Variants in PTDSS2 observed in about 807,000 individuals in gnomAD.
The protein encoded by PTDSS2 is phosphatidylserine synthase 2.
A neutral mutation model predicts 64.7 loss-of-function variants in PTDSS2; 41 were observed. The ratio of observed to expected loss-of-function variants is 0.63; its 90% CI spans 0.49 to 0.82. The LOEUF is 0.82. Among genes scored for constraint, PTDSS2 ranks in the 40% least tolerant of loss-of-function variants. PTDSS2 has a pLI of 0.00. For synonymous variants in PTDSS2, 297 were observed against 277.8 expected (o/e 1.07, Z -0.69); for missense variants, 485 against 650.0 (o/e 0.75, Z 2.76).
chr11:487,296 CTG>C, intron 5 of PTDSS2, 122 bp from the exon 6 acceptor site: 1 of 1,049,104 alleles, frequency 9.5e-7, no homozygotes, highest in East Asian at 2.4e-5. Context: ...ACGGCAGCAC[CTG>C]TGAGTCCCTG....
intron 4 of PTDSS2, among the ~76,000 whole-genome samples, chr11:484,701 G>C (rs567503824): frequency 1.3e-5 from 2 of 151,440 alleles, no homozygotes; most frequent in Non-Finnish European, 2.9e-5. Context: ...CTGTGTGTGT[G>C]CAGGCGAGCG....
chr11:483,413 G>T (rs1166502261), intron 4 of PTDSS2, among the ~76,000 whole-genome samples: 1 of 151,870 alleles, frequency 6.6e-6, no homozygotes, highest in African/African-American at 2.4e-5. Flanking sequence ...TGAGTTTTTC[G>T]TAGATCTCCC....
chr11:488,424 G>C, intron 7 of PTDSS2, 105 bp from the exon 8 acceptor site: 1 of 1,331,584 alleles, frequency 7.5e-7, no homozygotes, highest in East Asian at 2.3e-5. Context: ...GGGGCAGTGG[G>C]TGCAGGCTGA....
intron 4 of PTDSS2, among the ~76,000 whole-genome samples, chr11:484,144 G>A (rs774209170): frequency 1.3e-5 from 2 of 152,194 alleles, no homozygotes; most frequent in Non-Finnish European, 2.9e-5. Context: ...TCTTACACTT[G>A]CATATTTATT....
rs1846819387 is a variant in PTDSS2 at position 460,341 on chromosome 11, G to A, written c.284+53G>A. The A allele has an allele frequency of 3.4e-6, 5 of 1,485,150 alleles. No homozygotes were observed. The South Asian group carries it at 3.4e-5, about 10-fold the overall frequency. 92.0% of individuals were successfully genotyped at this position (1,485,150 alleles called of 1,614,324 possible). A position where few individuals can be genotyped will look rare whatever the true frequency, so the allele number is the denominator to read the frequency against. ...GAAACTGCCCTGTGCCCCGTGTGGTGGGTGTGGCACCCTTACTGCTCGGGC... is the reference window on the plus strand; with the variant it reads ...GAAACTGCCCTGTGCCCCGTGTGGTAGGTGTGGCACCCTTACTGCTCGGGC... On this transcript the variant is annotated intron_variant, in intron 2 of 11. Coordinates refer to ENST00000308020, the MANE Select transcript of PTDSS2 (RefSeq NM_030783.3). This position sits in a 1 kb window ranked among gnomAD's most constrained non-coding sequence, Gnocchi z 5.8.
intron 1 of PTDSS2, among the ~76,000 whole-genome samples, chr11:454,859 G>A (rs1486489184): frequency 6.6e-6 from 1 of 152,204 alleles, no homozygotes; most frequent in Non-Finnish European, 1.5e-5. Context: ...TGTGTGCTGT[G>A]GAACTTGGTG....
In PTDSS2 at chr11:489,839, ACCCTGCGGGGCCCGGGACGCTGAACC is replaced by A. The variant is rs1423312101; in HGVS notation, c.1116-37_1116-12del. On this transcript the variant is annotated intron_variant, in intron 10 of 11. Coordinates refer to ENST00000308020, the MANE Select transcript of PTDSS2 (RefSeq NM_030783.3). ...GAGCCTGGGCAAGTCCGCCTGGAGG[ACCCTGCGGGGCCCGGGACGCTGAACC>A]CCCTGCTGCCCCTGCAGGAAGCCCC... is the stretch of plus-strand genomic sequence containing the variant. 1 of 1,542,932 alleles carries A rather than the reference ACCCTGCGGGGCCCGGGACGCTGAACC, an allele frequency of 6.5e-7. No homozygotes were observed. The highest frequency in any genetic ancestry group is 2.4e-5 in the East Asian group (1 of 41,534).
At chr11:449,035 G>A (rs928271286), upstream of PTDSS2, among the ~76,000 whole-genome samples, 4 of 150,214 alleles carry the variant, frequency 2.7e-5, no homozygotes, top group Non-Finnish European at 5.9e-5. Flanking sequence ...CACATAATGC[G>A]TAGTCTCCTG....
Position 486,985 on chromosome 11 carries a change from T to C in PTDSS2, c.482T>C (p.Leu161Pro). The C allele has an allele frequency of 6.2e-7, 1 of 1,613,408 alleles. No homozygotes were observed. Among genetic ancestry groups the C allele is most frequent in the Non-Finnish European group, 8.5e-7 (1 of 1,179,930 alleles). Residue 161 changes from leucine (L) to proline (P), a missense_variant, in exon 5 of 12, where the codon CTG becomes CCG. By Grantham distance (98) the Leu-to-Pro change is moderately conservative (BLOSUM62 -3). Coordinates refer to ENST00000308020, the MANE Select transcript of PTDSS2 (RefSeq NM_030783.3). ...TTTCTAAAGTATGTTGACCCCAAGC[T>C]GGGAGTCCCACTGCCAGAGAGAGAC... The part of the protein sequence containing the change: ...RQFLKYVDPK[L>P]GVPLPERDYG...
chr11:466,418 T>C (rs1847144178), intron 2 of PTDSS2, among the ~76,000 whole-genome samples: 1 of 149,850 alleles, frequency 6.7e-6, no homozygotes, highest in Non-Finnish European at 1.5e-5. Context: ...TTTTTTTTTT[T>C]TTTTTGAGAC....
At chr11:484,158 G>T (rs7109207) in intron 4 of PTDSS2, among the ~76,000 whole-genome samples, 1,823 of 152,310 alleles carry the variant, frequency 0.012, 47 homozygotes, top group African/African-American at 0.042. Context: ...ATTTATTTCA[G>T]CGCTGCTCTA....
chr11:484,323 T>C (rs553295241), intron 4 of PTDSS2, among the ~76,000 whole-genome samples: 6 of 152,352 alleles, frequency 3.9e-5, no homozygotes, highest in African/African-American at 1.2e-4. Flanking sequence ...GCTCCTCCTG[T>C]CCACTCCCCA....
At chr11:482,456 C>G (rs944461074) in intron 4 of PTDSS2, among the ~76,000 whole-genome samples, 2 of 152,034 alleles carry the variant, frequency 1.3e-5, no homozygotes, top group African/African-American at 4.8e-5. Flanking sequence ...CTCCTGGTCT[C>G]AAGTGAGCCA....
At chr11:449,422 C>G (rs185731882), upstream of PTDSS2, among the ~76,000 whole-genome samples, 1 of 152,250 alleles carries the variant, frequency 6.6e-6, no homozygotes, top group Non-Finnish European at 1.5e-5. Context: ...GCATGCTTCG[C>G]TCCTCTATGG....
At position 489,595 on chromosome 11, in the gene PTDSS2, T is replaced by C; in HGVS notation, c.977T>C (p.Leu326Ser). The C allele has an allele frequency of 6.2e-7, 1 of 1,600,772 alleles. No individual in the cohort carries two copies. The highest frequency in any genetic ancestry group is 8.5e-7 in the Non-Finnish European group (1 of 1,173,708). The change falls in exon 10 of 12, where the codon TTG becomes TCG. Residue 326 changes from leucine to serine, a missense_variant. Leu to Ser is a moderately radical substitution (Grantham distance 145). Around this residue, in one of 3 missense-constraint regions of PTDSS2, gnomAD observed 219 missense variants for 257.3 expected, o/e 0.85. Coordinates refer to ENST00000308020, the MANE Select transcript of PTDSS2 (RefSeq NM_030783.3). Reference protein sequence around the residue: ...AVCGIILVFLLAELNTFYLKF... With the variant: ...AVCGIILVFLSAELNTFYLKF... ...CACCCTCTCCTCCCCTAGTTCCTGT[T>C]GGCAGAACTGAACACGTTCTACCTG...
At chr11:472,285 G>T (rs982926609) in intron 2 of PTDSS2, among the ~76,000 whole-genome samples, 9 of 152,318 alleles carry the variant, frequency 5.9e-5, no homozygotes, top group African/African-American at 2.2e-4. Flanking sequence ...CTGAGGTGGG[G>T]CCTATGTCTG....
intron 1 of PTDSS2, among the ~76,000 whole-genome samples, chr11:453,304 G>A: frequency 6.6e-6 from 1 of 152,178 alleles, no homozygotes; most frequent in South Asian, 2.1e-4. Context: ...CATGCGGTCT[G>A]GAAATTGTTT....
chr11:452,262 G>A (rs1040195667), intron 1 of PTDSS2, among the ~76,000 whole-genome samples: 1 of 152,230 alleles, frequency 6.6e-6, no homozygotes, highest in Admixed American at 6.5e-5. Flanking sequence ...GTCAGTTACC[G>A]TTCTACGGGA....
At chr11:477,766 C>G (rs979229463) in intron 3 of PTDSS2, among the ~76,000 whole-genome samples, 4 of 152,230 alleles carry the variant, frequency 2.6e-5, no homozygotes, top group South Asian at 4.1e-4. Flanking sequence ...GTTGGCGAGC[C>G]CTTGTGGGGC....
Sources: allele counts gnomAD v4.1 joint callset (sites outside exome capture counted in the v4.1 genomes callset), GRCh38; gene constraint gnomAD v4.1.1; regional missense constraint gnomAD v4.1.1; non-coding constraint Gnocchi (gnomAD v3.1); transcripts MANE v1.5; gene names NCBI Gene and HGNC (gene_info 2026-07-23, HGNC 2026-07-21).